The following NCOA1 variants were observed in gnomAD, a reference collection of about 807,000 sequenced individuals.
NCOA1 encodes nuclear receptor coactivator 1, also known as Hin-2 protein.
Under a neutral mutation model 150.9 loss-of-function variants are expected in NCOA1, and 35 were observed. The observed-to-expected ratio is 0.23, with a 90% confidence interval of 0.18 to 0.31. The LOEUF (loss-of-function observed/expected upper bound fraction) is 0.31, where lower values mean the gene tolerates loss of function less well. Ranked by LOEUF, NCOA1 falls within the 10% of genes least tolerant of loss-of-function variation. NCOA1 has a pLI of 1.00. For missense variants in NCOA1, 1,491 were observed against 1,749.3 expected, an observed-to-expected ratio of 0.85 and a Z score of 2.63; for synonymous variants, 590 against 630.0, an observed-to-expected ratio of 0.94 and a Z score of 0.95.
Position 24,758,011 on chromosome 2 carries a change from C to T in NCOA1, c.3920C>T (p.Ala1307Val), listed in dbSNP as rs1664586957. The T allele has an allele frequency of 2.5e-6, 4 of 1,613,980 alleles. No individual in the cohort carries two copies. The African/African-American group carries it at 5.3e-5, about 22-fold the overall frequency. ...SQAVQNQPTP[A>V]QPGVYNNMSI... ...GCTGTCCAGAACCAGCCCACGCCTG[C>T]ACAGCCAGGAGTATACAACAACATG... The change falls in exon 21 of 23, where the codon GCA (alanine) becomes GTA (valine). Residue 1307 changes from alanine to valine, a missense_variant. Ala to Val is a moderately conservative substitution (Grantham distance 64, BLOSUM62 0). This residue lies in a region of NCOA1 where 485 missense variants were observed against 522.8 expected (regional missense o/e 0.93). Transcript: ENST00000348332.
intron 1 of NCOA1, among the ~76,000 whole-genome samples, chr2:24,524,500 G>T (rs926387933): frequency 6.6e-6 from 1 of 151,924 alleles, no homozygotes; most frequent in Non-Finnish European, 1.5e-5. Context: ...CCACTCTGTT[G>T]CCCACACTGG....
At chr2:24,565,652 C>T (rs1666469918) in intron 2 of NCOA1, among the ~76,000 whole-genome samples, 1 of 152,192 alleles carries the variant, frequency 6.6e-6, no homozygotes, top group African/African-American at 2.4e-5. Flanking sequence ...CCAGTGGGCC[C>T]ACTCAGCCTG....
intron 14 of NCOA1, among the ~76,000 whole-genome samples, chr2:24,725,801 CAG>C (rs750108184): frequency 2.6e-5 from 4 of 151,386 alleles, no homozygotes; most frequent in Non-Finnish European, 4.4e-5. Flanking sequence ...TTTATAAAAA[CAG>C]AGTCATCCTG....
intron 21 of NCOA1, among the ~76,000 whole-genome samples, chr2:24,760,432 C>A (rs1168439690): frequency 6.7e-6 from 1 of 150,256 alleles, no homozygotes; most frequent in Admixed American, 6.7e-5. Context: ...GCTGGGATTA[C>A]AGGCGTGAGC....
chr2:24,637,005 A>C (rs1243981131), intron 3 of NCOA1, among the ~76,000 whole-genome samples: 1 of 152,054 alleles, frequency 6.6e-6, no homozygotes, highest in East Asian at 1.9e-4. Context: ...TGATGAGCTC[A>C]GGATAATTAT....
chr2:24,593,624 T>C (rs1273648857), intron 3 of NCOA1, among the ~76,000 whole-genome samples: 1 of 152,162 alleles, frequency 6.6e-6, no homozygotes, highest in Non-Finnish European at 1.5e-5. Context: ...AGCATCTTAA[T>C]TGGAAATGAC....
chr2:24,688,969 A>C (rs1672536635), intron 8 of NCOA1, among the ~76,000 whole-genome samples: 1 of 152,162 alleles, frequency 6.6e-6, no homozygotes, highest in Admixed American at 6.5e-5. Context: ...GCATATGGCT[A>C]TCCAGTTATC....
At chr2:24,533,628 C>A (rs548653998) in intron 1 of NCOA1, among the ~76,000 whole-genome samples, 2 of 152,190 alleles carry the variant, frequency 1.3e-5, no homozygotes, top group South Asian at 4.1e-4. Context: ...TCCATCAATA[C>A]CTAGTTTATT....
chr2:24,567,550 T>G (rs1179498053), intron 2 of NCOA1, among the ~76,000 whole-genome samples: 1 of 152,206 alleles, frequency 6.6e-6, no homozygotes, highest in East Asian at 1.9e-4. Context: ...GCCATTTATG[T>G]GCAGTCATAG....
At chr2:24,570,909 A>G (rs1666719300) in intron 2 of NCOA1, among the ~76,000 whole-genome samples, 1 of 152,248 alleles carries the variant, frequency 6.6e-6, no homozygotes. Context: ...GATTAACAGC[A>G]GTGCCTGGAC....
At chr2:24,669,984 A>G (rs1671610293) in intron 6 of NCOA1, among the ~76,000 whole-genome samples, 1 of 152,202 alleles carries the variant, frequency 6.6e-6, no homozygotes, top group South Asian at 2.1e-4. Flanking sequence ...CAAAAAAATA[A>G]AAAATTACCC....
At chr2:24,739,871 T>C (rs1204000971) in intron 18 of NCOA1, among the ~76,000 whole-genome samples, 5 of 152,130 alleles carry the variant, frequency 3.3e-5, no homozygotes, top group Non-Finnish European at 7.4e-5. Context: ...CGAAACCTGA[T>C]CAAAACCCAG....
chr2:24,556,892 T>C (rs1363994686), intron 1 of NCOA1, among the ~76,000 whole-genome samples: 5 of 152,072 alleles, frequency 3.3e-5, no homozygotes, highest in African/African-American at 9.7e-5. Context: ...TCATTTTCCA[T>C]GATTCCACTT....
At chr2:24,502,279 A>G (rs1232303332) in intron 1 of NCOA1, among the ~76,000 whole-genome samples, 2 of 152,174 alleles carry the variant, frequency 1.3e-5, no homozygotes, top group African/African-American at 2.4e-5. Flanking sequence ...TCAGCTTTCT[A>G]GAATCCTTAG....
chr2:24,619,946 C>T (rs1248898169), intron 3 of NCOA1, among the ~76,000 whole-genome samples: 3 of 152,024 alleles, frequency 2.0e-5, no homozygotes, highest in African/African-American at 7.3e-5. Flanking sequence ...TTTGTTCTTT[C>T]TCAGATTTTC....
intron 1 of NCOA1, among the ~76,000 whole-genome samples, chr2:24,520,480 G>A (rs977821067): frequency 6.6e-6 from 1 of 152,104 alleles, no homozygotes; most frequent in Non-Finnish European, 1.5e-5. Flanking sequence ...TTGAGTTAAA[G>A]CTGCCAACCA....
chr2:24,715,554 A>G (rs181957978), intron 14 of NCOA1, among the ~76,000 whole-genome samples: 2 of 152,354 alleles, frequency 1.3e-5, no homozygotes, highest in Admixed American at 6.5e-5. Flanking sequence ...CAAAGTCACA[A>G]TATGTGTACT....
chr2:24,528,927 C>T lies in NCOA1; in HGVS notation c.-395-35368C>T, dbSNP rs1417557631. 3.9e-5 allele frequency among the ~76,000 whole-genome samples: 6 copies of T among 152,256 alleles called. No homozygotes were observed. The East Asian group carries it at 1.2e-3, about 29-fold the overall frequency. On this transcript the variant is annotated intron_variant, in intron 1 of 22. Transcript: ENST00000348332. ...TTTGAGACAGTCTCTCACATTCTTG[C>T]CCAGGCTGGAGTGCAGTGGCGCCAT... is the stretch of plus-strand genomic sequence containing the variant.
At chr2:24,620,770 G>A (rs1258405004) in intron 3 of NCOA1, among the ~76,000 whole-genome samples, 1 of 152,030 alleles carries the variant, frequency 6.6e-6, no homozygotes, top group East Asian at 1.9e-4. Flanking sequence ...GTGTTAAGAT[G>A]GGATTAATTT....
Sources: allele counts gnomAD v4.1 joint callset (sites outside exome capture counted in the v4.1 genomes callset), GRCh38; gene constraint gnomAD v4.1.1; regional missense constraint gnomAD v4.1.1; transcripts MANE v1.5; gene names NCBI Gene and HGNC (gene_info 2026-07-23, HGNC 2026-07-21).